CCSER1: variants seen among roughly 807,000 people sequenced by gnomAD.
CCSER1 encodes the protein serine-rich coiled-coil domain-containing protein 1.
In CCSER1, 41 loss-of-function variants were observed where a neutral mutation model predicts 82.0. The observed-to-expected ratio is 0.50, with a 90% confidence interval of 0.39 to 0.65. The LOEUF is 0.65. Among genes scored for constraint, CCSER1 ranks in the 30% least tolerant of loss-of-function variants. The pLI is 0.00. For synonymous variants in CCSER1, 414 were observed against 383.9 expected, an observed-to-expected ratio of 1.08 and a Z score of -0.92; for missense variants, 1,119 against 1,064.2, an observed-to-expected ratio of 1.05 and a Z score of -0.72.
intron 1 of CCSER1, among the ~76,000 whole-genome samples, chr4:90,212,524 G>C (rs973163751): frequency 6.6e-6 from 1 of 152,082 alleles, no homozygotes; most frequent in Non-Finnish European, 1.5e-5. Context: ...ACTTTCTTCA[G>C]TTTTTAAGGA....
chr4:90,375,566 A>G (rs906259597), intron 3 of CCSER1, among the ~76,000 whole-genome samples: 7 of 152,128 alleles, frequency 4.6e-5, no homozygotes, highest in Admixed American at 1.3e-4. Flanking sequence ...GCTCTCTTAA[A>G]CTACTGAAAT....
At chr4:91,342,661 A>G (rs1041008874) in intron 10 of CCSER1, among the ~76,000 whole-genome samples, 4 of 152,150 alleles carry the variant, frequency 2.6e-5, no homozygotes, top group Non-Finnish European at 5.9e-5. Context: ...ATCATTGCCA[A>G]CATCTAACAA....
Position 91,191,608 on chromosome 4 carries a change from T to C in CCSER1, c.2217+105614T>C, listed in dbSNP as rs540956902. Among the ~76,000 whole-genome samples the C allele has an allele frequency of 1.2e-4, 19 of 152,284 alleles. 1 individual carries two copies. In the South Asian group the frequency reaches 3.9e-3, roughly 32 times the overall value. On this transcript the variant is annotated intron_variant, in intron 10 of 10. Transcript: ENST00000509176. ...CATGACCCAGTCTCCATCAATCTGATGTACATTTTCCAGAGACACAGTCGG... is the reference window on the plus strand; with the variant it reads ...CATGACCCAGTCTCCATCAATCTGACGTACATTTTCCAGAGACACAGTCGG...
chr4:90,722,458 A>G (rs919986274), intron 6 of CCSER1, among the ~76,000 whole-genome samples: 6 of 151,776 alleles, frequency 4.0e-5, no homozygotes, highest in African/African-American at 1.4e-4. Flanking sequence ...TTGTTTCTCT[A>G]TTATGTCATA....
At chr4:90,803,557 C>A in intron 7 of CCSER1, among the ~76,000 whole-genome samples, 1 of 152,170 alleles carries the variant, frequency 6.6e-6, no homozygotes, top group East Asian at 1.9e-4. Context: ...TTTTTTATGG[C>A]TGCATAGTAT....
intron 9 of CCSER1, among the ~76,000 whole-genome samples, chr4:91,010,633 G>A (rs1295445698): frequency 7.4e-6 from 1 of 134,590 alleles, no homozygotes; most frequent in African/African-American, 2.5e-5. Flanking sequence ...CTCTGACTGG[G>A]TAATTTTACA....
chr4:90,428,812 A>G (rs1490739440), intron 4 of CCSER1, among the ~76,000 whole-genome samples: 2 of 151,842 alleles, frequency 1.3e-5, no homozygotes, highest in African/African-American at 4.8e-5. Context: ...GAACATCAGA[A>G]TGTCTAAATT....
intron 3 of CCSER1, among the ~76,000 whole-genome samples, chr4:90,394,719 C>T (rs1256902132): frequency 6.6e-6 from 1 of 151,948 alleles, no homozygotes; most frequent in Admixed American, 6.6e-5. Flanking sequence ...ATCTTAAATG[C>T]TTTAACCACT....
At chr4:90,914,407 C>T (rs1258686146) in intron 8 of CCSER1, among the ~76,000 whole-genome samples, 6 of 152,016 alleles carry the variant, frequency 3.9e-5, no homozygotes, top group African/African-American at 1.2e-4. Context: ...CGGTACATAA[C>T]TAAATGAAGG....
intron 1 of CCSER1, among the ~76,000 whole-genome samples, chr4:90,274,254 T>G (rs1014857024): frequency 6.6e-6 from 1 of 152,110 alleles, no homozygotes; most frequent in Non-Finnish European, 1.5e-5. Context: ...AGGCATCTCT[T>G]TAGTGGTAGA....
intron 10 of CCSER1, among the ~76,000 whole-genome samples, chr4:91,102,853 G>A (rs1725217428): frequency 6.6e-6 from 1 of 152,136 alleles, no homozygotes; most frequent in Admixed American, 6.5e-5. Flanking sequence ...TCCAAATGAG[G>A]TTGAACTCTT....
At chr4:90,611,576 A>G (rs1428223495) in intron 5 of CCSER1, among the ~76,000 whole-genome samples, 4 of 151,668 alleles carry the variant, frequency 2.6e-5, no homozygotes, top group Non-Finnish European at 2.9e-5. Context: ...TCTAAAATGT[A>G]AGTTCTTATA....
rs1205702865 is a variant in CCSER1, at chr4:91,604,800, A to G, written c.*5743A>G. The G allele has an allele frequency of 1.3e-5, 2 of 152,016 alleles. No homozygotes were observed. The highest frequency in any genetic ancestry group is 2.9e-5 in the Non-Finnish European group (2 of 67,926). 9.4% of individuals were successfully genotyped at this position (152,016 alleles called of 1,614,324 possible). On this transcript the variant is annotated 3_prime_UTR_variant, in exon 11 of 11. Transcript: ENST00000509176. ...GGAATTGAAGTGAAATGAGGAATAC[A>G]AATTTACTTGTCCTAAATTTTTAAA... is the stretch of plus-strand genomic sequence containing the variant.
chr4:90,974,725 C>T (rs1192251449), intron 9 of CCSER1, among the ~76,000 whole-genome samples: 1 of 151,288 alleles, frequency 6.6e-6, no homozygotes, highest in Non-Finnish European at 1.5e-5. Context: ...GCAAGTACAA[C>T]TTTTGGCAGG....
intron 9 of CCSER1, among the ~76,000 whole-genome samples, chr4:90,998,411 C>T (rs1488890254): frequency 6.6e-6 from 1 of 151,962 alleles, no homozygotes; most frequent in Non-Finnish European, 1.5e-5. Context: ...ATTTATTTTC[C>T]GTGGATTTTC....
chr4:91,510,856 CTTTAG>C (rs1759781692), intron 10 of CCSER1, among the ~76,000 whole-genome samples: 2 of 152,106 alleles, frequency 1.3e-5, no homozygotes, highest in African/African-American at 4.8e-5. Flanking sequence ...CTTGTAAATG[CTTTAG>C]AACAATTGCT....
intron 5 of CCSER1, among the ~76,000 whole-genome samples, chr4:90,565,653 T>TG (rs1779278274): frequency 1.3e-5 from 2 of 152,296 alleles, no homozygotes. Context: ...TTGTCATATA[T>TG]GATTTTTATT....
chr4:91,293,445 A>C (rs966201133), intron 10 of CCSER1, among the ~76,000 whole-genome samples: 1 of 151,916 alleles, frequency 6.6e-6, no homozygotes, highest in Non-Finnish European at 1.5e-5. Flanking sequence ...CTAATGTATT[A>C]TTTTTATGCA....
chr4:91,454,082 A>G (rs1219786463), intron 10 of CCSER1, among the ~76,000 whole-genome samples: 2 of 152,140 alleles, frequency 1.3e-5, no homozygotes, highest in Non-Finnish European at 2.9e-5. Context: ...GTTCAGAGGT[A>G]ATCAAGAACA....
Sources: gnomAD v4.1 joint callset for allele counts (sites outside exome capture counted in the v4.1 genomes callset) on GRCh38, gnomAD v4.1.1 for gene constraint, MANE v1.5 for transcripts, NCBI Gene and HGNC (gene_info 2026-07-23, HGNC 2026-07-21) for gene names.